ARHGAP35: variants seen among roughly 807,000 people sequenced by gnomAD.
ARHGAP35 encodes Rho GTPase activating protein 35, also known as rho GTPase-activating protein 35.
Under a neutral mutation model 111.1 loss-of-function variants are expected in ARHGAP35, and 15 were observed. That is an observed-to-expected ratio of 0.13 (90% confidence interval 0.09 to 0.21). ARHGAP35 has a LOEUF of 0.21. Among genes scored for constraint, ARHGAP35 ranks in the 10% least tolerant of loss-of-function variants. The probability of loss-of-function intolerance (pLI) is 1.00; values close to 1 mark genes in which losing one functional copy is unlikely to be tolerated. For missense variants in ARHGAP35, 1,262 were observed against 1,873.0 expected, an observed-to-expected ratio of 0.67 and a Z score of 6.02; for synonymous variants, 643 against 710.3, an observed-to-expected ratio of 0.91 and a Z score of 1.51.
chr19:46,998,425 C>G (rs571295358), intron 5 of ARHGAP35, among the ~76,000 whole-genome samples: 14 of 152,210 alleles, frequency 9.2e-5, no homozygotes, highest in Non-Finnish European at 1.3e-4. Context: ...TCTTAGCCAG[C>G]TGGGCTCCAG....
rs1038226590 is a variant in ARHGAP35 at position 46,986,341 on chromosome 19, A to C, written c.3827-1648A>C. On this transcript the variant is annotated intron_variant, in intron 3 of 6. Coordinates refer to ENST00000672722, the MANE Select transcript of ARHGAP35 (RefSeq NM_004491.5). This position sits in a 1 kb window ranked among gnomAD's most constrained non-coding sequence, Gnocchi z 4.3. ...GGAGTGGGAGCCCATCCTTCCCTTG[A>C]TATTTTATTCTAACTTACGTATTTA... Among the ~76,000 whole-genome samples the C allele has an allele frequency of 6.6e-6, 1 of 152,132 alleles. No individual in the cohort carries two copies. The highest frequency in any genetic ancestry group is 1.5e-5 in the Non-Finnish European group (1 of 68,020).
chr19:46,951,948 G>A (rs976502958), intron 3 of ARHGAP35, among the ~76,000 whole-genome samples: 11 of 152,218 alleles, frequency 7.2e-5, no homozygotes, highest in African/African-American at 2.7e-4. Context: ...GGGATTAAGA[G>A]AGGATGCTTA....
At chr19:46,906,658 T>C (rs760395158) in intron 1 of ARHGAP35, among the ~76,000 whole-genome samples, 11 of 152,264 alleles carry the variant, frequency 7.2e-5, no homozygotes, top group Admixed American at 3.3e-4. Flanking sequence ...ATTCGTTCTG[T>C]TTCTTAGCTT....
intron 1 of ARHGAP35, among the ~76,000 whole-genome samples, chr19:46,870,369 G>C (rs1186185399): frequency 6.6e-6 from 1 of 151,836 alleles, no homozygotes; most frequent in Non-Finnish European, 1.5e-5. Context: ...CACGAGGTCA[G>C]GAGATCGAGA....
At chr19:46,882,240 C>T (rs981777071) in intron 1 of ARHGAP35, among the ~76,000 whole-genome samples, 2 of 150,042 alleles carry the variant, frequency 1.3e-5, no homozygotes, top group Non-Finnish European at 3.0e-5. Flanking sequence ...CTCAAGCAGT[C>T]CCCCCACCTC....
At chr19:46,928,701 G>T (rs986686289) in intron 2 of ARHGAP35, among the ~76,000 whole-genome samples, 13 of 152,092 alleles carry the variant, frequency 8.5e-5, no homozygotes, top group African/African-American at 3.1e-4. Flanking sequence ...GGAGGCCGAG[G>T]CAGGCACATC....
intron 3 of ARHGAP35, among the ~76,000 whole-genome samples, chr19:46,970,182 T>G (rs986455784): frequency 6.6e-6 from 1 of 152,232 alleles, no homozygotes; most frequent in Admixed American, 6.5e-5. Context: ...CATCTTGGCT[T>G]AAGTCTGTCA....
chr19:46,963,492 A>G (rs1037377365), intron 3 of ARHGAP35, among the ~76,000 whole-genome samples: 2 of 151,960 alleles, frequency 1.3e-5, no homozygotes, highest in Non-Finnish European at 2.9e-5. Context: ...AGCAAATCCC[A>G]TCTATTTTCC....
At chr19:46,979,504 A>G (rs1034036565) in intron 3 of ARHGAP35, among the ~76,000 whole-genome samples, 2 of 152,162 alleles carry the variant, frequency 1.3e-5, no homozygotes, top group South Asian at 4.1e-4. Context: ...CTTGAAAGTC[A>G]GGGAAAAGAA....
rs112008743 is a variant in ARHGAP35, at chr19:46,898,775, AGCTGCTGCT to A, written c.-188-19684_-188-19676del. On this transcript the variant is annotated intron_variant, in intron 1 of 6. Transcript: ENST00000672722. Reference sequence around the variant, plus strand: ...ACCCAGGAGCCTCCATGCACAGATGAGCTGCTGCTGCTGCTGCTGCTGCTGCTGCTGCTG... The same window carrying A: ...ACCCAGGAGCCTCCATGCACAGATGAGCTGCTGCTGCTGCTGCTGCTGCTG... 5.3e-3 allele frequency among the ~76,000 whole-genome samples: 803 copies of A among 150,902 alleles called. 9 individuals carry two copies. The highest frequency in any genetic ancestry group is 7.6e-3 in the African/African-American group (312 of 41,060).
At chr19:46,905,002 T>A (rs986530625) in intron 1 of ARHGAP35, among the ~76,000 whole-genome samples, 1 of 152,202 alleles carries the variant, frequency 6.6e-6, no homozygotes, top group Non-Finnish European at 1.5e-5. Context: ...CTGGGGTTCC[T>A]GTCTATCTAG....
chr19:46,889,146 CCT>C (rs1403346222), intron 1 of ARHGAP35, among the ~76,000 whole-genome samples: 2 of 152,028 alleles, frequency 1.3e-5, no homozygotes, highest in Admixed American at 6.6e-5. Context: ...TGATGAAACC[CCT>C]GTCTCTACTA....
chr19:46,973,060 T>C (rs1249879542), intron 3 of ARHGAP35, among the ~76,000 whole-genome samples: 1 of 152,162 alleles, frequency 6.6e-6, no homozygotes, highest in East Asian at 1.9e-4. Context: ...TTTTCTTTTC[T>C]TTTTTAAAAA....
intron 3 of ARHGAP35, among the ~76,000 whole-genome samples, chr19:46,982,067 T>C (rs1338712921): frequency 6.6e-6 from 1 of 152,094 alleles, no homozygotes; most frequent in Non-Finnish European, 1.5e-5. Flanking sequence ...CCCAGGTTGG[T>C]CTCGAACTGG....
intron 1 of ARHGAP35, among the ~76,000 whole-genome samples, chr19:46,869,867 C>A (rs757181668): frequency 6.6e-6 from 1 of 151,540 alleles, no homozygotes; most frequent in Non-Finnish European, 1.5e-5. Context: ...TCAGAAATGC[C>A]TGTTAACGTT....
At chr19:46,895,308 C>A (rs1041204141) in intron 1 of ARHGAP35, among the ~76,000 whole-genome samples, 5 of 151,868 alleles carry the variant, frequency 3.3e-5, no homozygotes, top group African/African-American at 1.2e-4. Context: ...GGACTACAGG[C>A]GCTCACCACC....
chr19:46,953,081 G>T (rs1308523133), intron 3 of ARHGAP35, among the ~76,000 whole-genome samples: 1 of 152,202 alleles, frequency 6.6e-6, no homozygotes, highest in Non-Finnish European at 1.5e-5. Context: ...TATTCAGCAA[G>T]TATATATTGA....
chr19:46,871,542 C>T lies in ARHGAP35; in HGVS notation c.-189+10333C>T, dbSNP rs557987727. Among the ~76,000 whole-genome samples, 67 of 151,892 alleles carry T rather than the reference C, an allele frequency of 4.4e-4. 1 individual carries two copies. In the South Asian group the frequency reaches 0.012, roughly 26 times the overall value. ...ACTTTTAGTAGAGATGGGGTTTCGC[C>T]ATGTTGGCCAGGCTGGTCTTGAACT... is the stretch of plus-strand genomic sequence containing the variant. On this transcript the variant is annotated intron_variant, in intron 1 of 6. Coordinates refer to ENST00000672722, the MANE Select transcript of ARHGAP35 (RefSeq NM_004491.5).
intron 5 of ARHGAP35, among the ~76,000 whole-genome samples, chr19:46,996,395 C>T (rs1357084845): frequency 6.6e-6 from 1 of 152,186 alleles, no homozygotes; most frequent in Non-Finnish European, 1.5e-5. Context: ...AGCCACCGCG[C>T]CCGGCCCCTA....
Sources: allele counts gnomAD v4.1 joint callset (sites outside exome capture counted in the v4.1 genomes callset), GRCh38; gene constraint gnomAD v4.1.1; non-coding constraint Gnocchi (gnomAD v3.1); transcripts MANE v1.5; gene names NCBI Gene and HGNC (gene_info 2026-07-23, HGNC 2026-07-21).